Variants in CCR5AS observed in about 807,000 individuals in gnomAD.
The protein encoded by CCR5AS is CCR5 antisense RNA.
chr3:46,377,576 C>A (rs531710304), intron 2 of CCR5AS, among the ~76,000 whole-genome samples: 1 of 152,150 alleles, frequency 6.6e-6, no homozygotes, highest in African/African-American at 2.4e-5. Flanking sequence ...TTTTCTATCA[C>A]GGGGAGAGAT....
intron 1 of CCR5AS, among the ~76,000 whole-genome samples, chr3:46,395,705 C>T (rs1303818871): frequency 1.3e-5 from 2 of 152,150 alleles, no homozygotes; most frequent in African/African-American, 2.4e-5. Flanking sequence ...CAACTTCTGC[C>T]CCCAAGCCCT....
At position 46,375,685 on chromosome 3, in the gene CCR5AS, C is replaced by G. The variant is rs938290724; in HGVS notation, n.392-4268G>C. The G allele has an allele frequency of 3.0e-5, 5 of 166,872 alleles. No individual in the cohort carries two copies. The East Asian group carries it at 7.8e-4, about 26-fold the overall frequency. The allele number at this position is 166,872 out of a possible 1,614,324, so 10.3% of individuals were successfully genotyped here. A position where few individuals can be genotyped will look rare whatever the true frequency, so the allele number is the denominator to read the frequency against. ...GGGGGTGGGGGGGGCGCCTTAGGTA[C>G]TTATTCCAGATGCCTTCTCCAGACA... is the stretch of plus-strand genomic sequence containing the variant. On this transcript the variant is annotated intron_variant and non_coding_transcript_variant, in intron 2 of 3. Transcript: ENST00000451485.
rs201290940 is a variant in CCR5AS at position 46,373,568 on chromosome 3, T to G, written n.392-2151A>C. 15 of 1,613,210 alleles carry G rather than the reference T, an allele frequency of 9.3e-6. No homozygotes were observed. In the African/African-American group the frequency reaches 2.0e-4, roughly 22 times the overall value. On this transcript the variant is annotated intron_variant and non_coding_transcript_variant, in intron 2 of 3. Coordinates refer to ENST00000451485, the Ensembl canonical transcript of CCR5AS. ...ACTCGGGAATCCTAAAAACTCTGCT[T>G]CGGTGTCGAAATGAGAAGAAGAGGC...
At chr3:46,383,872 T>C (rs768376036) in intron 2 of CCR5AS, among the ~76,000 whole-genome samples, 3 of 152,178 alleles carry the variant, frequency 2.0e-5, no homozygotes, top group Non-Finnish European at 4.4e-5. Context: ...TGCCAACTCA[T>C]GCCATGAAAG....
At chr3:46,364,376 C>G (rs1322671108), downstream of CCR5AS, among the ~76,000 whole-genome samples, 1 of 152,196 alleles carries the variant, frequency 6.6e-6, no homozygotes, top group African/African-American at 2.4e-5. Context: ...ACAATAAAGC[C>G]TGGATGACAA....
chr3:46,387,577 C>T (rs1282143657), intron 2 of CCR5AS, among the ~76,000 whole-genome samples: 3 of 152,064 alleles, frequency 2.0e-5, no homozygotes, highest in African/African-American at 4.8e-5. Flanking sequence ...GGCAAAACCC[C>T]GTCTCTACAA....
intron 3 of CCR5AS, among the ~76,000 whole-genome samples, chr3:46,369,878 C>T (rs41384848): frequency 5.3e-4 from 81 of 152,202 alleles, no homozygotes; most frequent in African/African-American, 1.8e-3. Flanking sequence ...ATTGGGGGCA[C>T]GTAATTTTGC....
intron 3 of CCR5AS, among the ~76,000 whole-genome samples, chr3:46,365,799 G>A (rs1701593296): frequency 6.6e-6 from 1 of 152,180 alleles, no homozygotes; most frequent in Admixed American, 6.5e-5. Flanking sequence ...AGGACCCAAT[G>A]TGACAGTTCC....
intron 1 of CCR5AS, among the ~76,000 whole-genome samples, chr3:46,404,938 C>T (rs892098707): frequency 8.5e-5 from 13 of 152,184 alleles, no homozygotes; most frequent in Non-Finnish European, 1.5e-4. Flanking sequence ...ATAGTTCCTT[C>T]GACTAAAACT....
intron 3 of CCR5AS, among the ~76,000 whole-genome samples, chr3:46,369,008 T>C (rs41395049): frequency 0.069 from 9,250 of 133,544 alleles, 928 homozygotes; most frequent in African/African-American, 0.22. Flanking sequence ...ACCAAAGTTG[T>C]ATTTATGCTA....
intron 2 of CCR5AS, chr3:46,373,201 T>C (rs1468819210): frequency 6.2e-7 from 1 of 1,614,080 alleles, no homozygotes; most frequent in Non-Finnish European, 8.5e-7. Context: ...GGAAATACAA[T>C]GTGTCAACTC....
chr3:46,404,743 C>A (rs1702031703), intron 1 of CCR5AS, among the ~76,000 whole-genome samples: 1 of 152,206 alleles, frequency 6.6e-6, no homozygotes. Context: ...GCACTTCTCT[C>A]CTACTAATCT....
intron 2 of CCR5AS, among the ~76,000 whole-genome samples, chr3:46,372,443 G>A (rs1701675875): frequency 6.6e-6 from 1 of 152,072 alleles, no homozygotes; most frequent in Admixed American, 6.6e-5. Context: ...TGAGAGGATT[G>A]CTTGAGCCCG....
At chr3:46,397,017 G>A (rs1212049515) in intron 1 of CCR5AS, among the ~76,000 whole-genome samples, 3 of 152,204 alleles carry the variant, frequency 2.0e-5, no homozygotes, top group Non-Finnish European at 4.4e-5. Context: ...TCTCTGACAA[G>A]TAGGTGGTCC....
chr3:46,386,332 G>C (rs1283874995), intron 2 of CCR5AS, among the ~76,000 whole-genome samples: 3 of 152,206 alleles, frequency 2.0e-5, no homozygotes, highest in Non-Finnish European at 4.4e-5. Context: ...CTGGACACCA[G>C]GTGCAGTCAA....
intron 1 of CCR5AS, among the ~76,000 whole-genome samples, chr3:46,397,115 G>T (rs925171360): frequency 6.6e-6 from 1 of 152,116 alleles, no homozygotes; most frequent in Non-Finnish European, 1.5e-5. Flanking sequence ...CCATCCATGC[G>T]CCCTTGACTG....
intron 2 of CCR5AS, among the ~76,000 whole-genome samples, chr3:46,389,340 G>A (rs193010162): frequency 3.9e-5 from 6 of 152,272 alleles, no homozygotes; most frequent in Middle Eastern, 3.4e-3. Flanking sequence ...TCGTGCAGAC[G>A]GATGGCAGTT....
At chr3:46,394,558 A>T (rs1701944045) in intron 1 of CCR5AS, among the ~76,000 whole-genome samples, 1 of 152,032 alleles carries the variant, frequency 6.6e-6, no homozygotes, top group African/African-American at 2.4e-5. Flanking sequence ...AAGCCTCCCC[A>T]GTGGCGCGTG....
intron 1 of CCR5AS, among the ~76,000 whole-genome samples, chr3:46,403,036 C>T (rs1191090333): frequency 6.6e-6 from 1 of 152,204 alleles, no homozygotes; most frequent in Non-Finnish European, 1.5e-5. Context: ...GTAATAGCCT[C>T]CAGCTCCATT....
Sources: gnomAD v4.1 joint callset for allele counts (sites outside exome capture counted in the v4.1 genomes callset) on GRCh38, gnomAD v4.1.1 for gene constraint, MANE v1.5 for transcripts, NCBI Gene and HGNC (gene_info 2026-07-23, HGNC 2026-07-21) for gene names.